The following SLC35D4 variants were observed in gnomAD, a reference collection of about 807,000 sequenced individuals.
SLC35D4 encodes UDP-N-acetylglucosamine transporter SLC35D4.
the SLC35D4 span, among the ~76,000 whole-genome samples, chr18:23,293,871 C>T: frequency 6.6e-6 from 1 of 152,216 alleles, no homozygotes; most frequent in African/African-American, 2.4e-5. Flanking sequence ...TGGCTCATTG[C>T]AACCTTGACC....
chr18:23,398,250 T>A, the SLC35D4 span, among the ~76,000 whole-genome samples: 4 of 152,302 alleles, frequency 2.6e-5, no homozygotes, highest in East Asian at 1.9e-4. Context: ...TGGAAGCCTA[T>A]GAAAAAAAGC....
chr18:23,431,605 G>A, the SLC35D4 span, among the ~76,000 whole-genome samples: 1 of 151,814 alleles, frequency 6.6e-6, no homozygotes, highest in African/African-American at 2.4e-5. Context: ...GATTTTGTAT[G>A]TTGTTTGCAT....
chr18:23,301,496 T>C, the SLC35D4 span, among the ~76,000 whole-genome samples: 1 of 152,178 alleles, frequency 6.6e-6, no homozygotes, highest in Non-Finnish European at 1.5e-5. Flanking sequence ...TTATATACGA[T>C]CATTTTCTAA....
the SLC35D4 span, among the ~76,000 whole-genome samples, chr18:23,363,338 T>C: frequency 5.2e-3 from 779 of 149,754 alleles, 11 homozygotes; most frequent in African/African-American, 0.018. Flanking sequence ...TGAACATAAC[T>C]TTCCAAAGGC....
the SLC35D4 span, among the ~76,000 whole-genome samples, chr18:23,247,447 T>A: frequency 6.6e-6 from 1 of 152,226 alleles, no homozygotes; most frequent in East Asian, 1.9e-4. Flanking sequence ...GCTGGGCCCC[T>A]TCCAAGCCAG....
the SLC35D4 span, among the ~76,000 whole-genome samples, chr18:23,387,369 G>T: frequency 1.3e-5 from 2 of 152,166 alleles, no homozygotes; most frequent in South Asian, 2.1e-4. Flanking sequence ...GTAAAGCAGG[G>T]ATAACAATAC....
chr18:23,307,768 T>C, the SLC35D4 span, among the ~76,000 whole-genome samples: 3 of 152,154 alleles, frequency 2.0e-5, no homozygotes, highest in Non-Finnish European at 4.4e-5. Flanking sequence ...AGTGTGGCCT[T>C]TTCCAGGAGG....
the SLC35D4 span, among the ~76,000 whole-genome samples, chr18:23,280,842 GC>G: frequency 1.3e-5 from 2 of 151,980 alleles, no homozygotes; most frequent in African/African-American, 4.8e-5. Context: ...TGTTGACCAT[GC>G]CCCCCCGTCT....
the SLC35D4 span, among the ~76,000 whole-genome samples, chr18:23,319,212 G>A: frequency 1.3e-5 from 2 of 151,908 alleles, no homozygotes; most frequent in East Asian, 3.9e-4. Flanking sequence ...GTGTTGAGAT[G>A]ACCTAATCTC....
At chr18:23,431,250 T>C in the SLC35D4 span, among the ~76,000 whole-genome samples, 1 of 151,960 alleles carries the variant, frequency 6.6e-6, no homozygotes, top group Admixed American at 6.6e-5. Context: ...GGCTGCCTTT[T>C]AGTTGGTGAA....
At chr18:23,311,566 T>C in the SLC35D4 span, among the ~76,000 whole-genome samples, 3 of 152,200 alleles carry the variant, frequency 2.0e-5, no homozygotes, top group South Asian at 6.2e-4. Flanking sequence ...CCTGCAACAG[T>C]TATAGATGAT....
the SLC35D4 span, among the ~76,000 whole-genome samples, chr18:23,300,060 C>T: frequency 1.9e-4 from 29 of 152,250 alleles, no homozygotes; most frequent in Admixed American, 5.2e-4. Flanking sequence ...AAGTTCCCAA[C>T]GACCCTATTT....
chr18:23,406,765 A>T, the SLC35D4 span, among the ~76,000 whole-genome samples: 1 of 152,178 alleles, frequency 6.6e-6, no homozygotes, highest in Non-Finnish European at 1.5e-5. Context: ...TTGTTGTTTG[A>T]TCAAATAATC....
At chr18:23,370,331 C>G in the SLC35D4 span, 1 of 1,517,322 alleles carries the variant, frequency 6.6e-7, no homozygotes, top group Non-Finnish European at 9.0e-7. Context: ...TGTCCGGGGA[C>G]ACACAAAATC....
At chr18:23,324,752 G>A in the SLC35D4 span, among the ~76,000 whole-genome samples, 2 of 152,274 alleles carry the variant, frequency 1.3e-5, no homozygotes, top group Admixed American at 1.3e-4. Context: ...GAGTGGGAAG[G>A]GCAGTCTACG....
the SLC35D4 span, among the ~76,000 whole-genome samples, chr18:23,290,777 C>T: frequency 1.3e-5 from 2 of 151,108 alleles, no homozygotes; most frequent in African/African-American, 2.5e-5. Context: ...CAGGTGCCTG[C>T]CACCACACCC....
chr18:23,412,222 G>A, the SLC35D4 span, among the ~76,000 whole-genome samples: 1 of 152,188 alleles, frequency 6.6e-6, no homozygotes, highest in African/African-American at 2.4e-5. Context: ...GGGAGGCTGA[G>A]GCAGGAGGAT....
At chr18:23,412,935 G>A in the SLC35D4 span, among the ~76,000 whole-genome samples, 2 of 152,214 alleles carry the variant, frequency 1.3e-5, no homozygotes, top group Non-Finnish European at 2.9e-5. Context: ...CCCAACCTCT[G>A]GACCTTACTA....
At chr18:23,271,962 C>T in the SLC35D4 span, among the ~76,000 whole-genome samples, 3 of 152,346 alleles carry the variant, frequency 2.0e-5, no homozygotes, top group South Asian at 2.1e-4. Flanking sequence ...TTCCATCTGG[C>T]TGTTCATCTG....
Sources: allele counts gnomAD v4.1 joint callset (sites outside exome capture counted in the v4.1 genomes callset), GRCh38; gene constraint gnomAD v4.1.1; transcripts MANE v1.5; gene names NCBI Gene and HGNC (gene_info 2026-07-23, HGNC 2026-07-21).